XPC: variants seen among roughly 807,000 people sequenced by gnomAD.
The protein encoded by XPC is DNA repair protein complementing XP-C cells.
In XPC, 76 loss-of-function variants were observed where a neutral mutation model predicts 95.8. That is an observed-to-expected ratio of 0.79 (90% CI 0.66 to 0.96). XPC has a LOEUF of 0.96. XPC is among the 40% of genes least tolerant of loss of function. XPC has a pLI of 0.00. For synonymous variants in XPC, 442 were observed against 442.1 expected (o/e 1.00, Z 0.00); for missense variants, 1,146 against 1,179.8 (o/e 0.97, Z 0.42).
In XPC at chr3:14,178,562, G is replaced by C. The variant is rs774690269; in HGVS notation, c.7C>G (p.Arg3Gly). The C allele has an allele frequency of 6.2e-7, 1 of 1,612,628 alleles. No homozygotes were observed. Among genetic ancestry groups the C allele is most frequent in the Middle Eastern group, 1.6e-4 (1 of 6,062 alleles). Reference protein sequence around the residue: MARKRAAGGEPRG... With the variant: MAGKRAAGGEPRG... ...GGCTCCCCGCCGGCCGCGCGTTTCC[G>C]AGCCATGTTGCTTGTCTGGGCAAAT... The change falls in exon 1 of 16, where the codon CGG (arginine) becomes GGG (glycine). Residue 3 changes from arginine to glycine, a missense_variant. By Grantham distance (125) the Arg-to-Gly change is moderately radical (BLOSUM62 -2). Coordinates refer to ENST00000285021, the MANE Select transcript of XPC (RefSeq NM_004628.5).
rs745660242 is a variant in XPC at position 14,148,563 on chromosome 3, C to T, written c.2419G>A (p.Val807Met). ...FDFHGGYSHP[V>M]TDGYIVCEEF... Reference sequence around the variant, plus strand: ...CTCCATCGAAGGCCCCTCACGCACACGGGATGGGAGTAGCCGCCATGGAAA... The same window carrying T: ...CTCCATCGAAGGCCCCTCACGCACATGGGATGGGAGTAGCCGCCATGGAAA... Residue 807 changes from valine (V) to methionine (M), a missense_variant and splice_region_variant, in exon 13 of 16, where the codon GTG (valine) becomes ATG (methionine). Physicochemically the swap from Val to Met is conservative, Grantham distance 21. Coordinates refer to ENST00000285021, the MANE Select transcript of XPC (RefSeq NM_004628.5). 35 of 1,613,600 alleles carry T rather than the reference C, an allele frequency of 2.2e-5. 1 individual carries two copies. Among genetic ancestry groups the T allele is most frequent in the Admixed American group, 5.0e-5 (3 of 59,974 alleles).
chr3:14,148,032 G>T, intron 13 of XPC, 31 bp from the exon 14 acceptor site: 1 of 1,530,960 alleles, frequency 6.5e-7, no homozygotes, highest in South Asian at 1.2e-5. Flanking sequence ...GTCAACCCTC[G>T]AACCTGCTGC....
At chr3:14,152,595 G>A in intron 10 of XPC, 179 bp from the exon 11 acceptor site, 1 of 545,208 alleles carries the variant, frequency 1.8e-6, no homozygotes. Flanking sequence ...AACGTGGACT[G>A]CCTGTCTTTT....
At position 14,158,386 on chromosome 3, in the gene XPC, C is replaced by T. The variant is rs150344169; in HGVS notation, c.1497G>A (p.Ala499=). 2.6e-4 allele frequency: 425 copies of T among 1,613,868 alleles called. 3 individuals carry two copies. The African/African-American group carries it at 3.9e-3, about 15-fold the overall frequency. Residue 499 remains alanine (A), a synonymous_variant, in exon 9 of 16, where the codon GCG becomes GCA. Coordinates refer to ENST00000285021, the MANE Select transcript of XPC (RefSeq NM_004628.5). The surrounding 1 kb of genome is among the most constrained non-coding windows in gnomAD (Gnocchi z 5.2). ...GSHRKDPSLP[A]ASSSSSSSKR... ...TACTGCTTGAAGAGCTTGAGGATGCCGCTGGCAAGCTTGGGTCCTTACGAT... is the reference window on the plus strand; with the variant it reads ...TACTGCTTGAAGAGCTTGAGGATGCTGCTGGCAAGCTTGGGTCCTTACGAT...
chr3:14,164,734 A>G (rs2125035460), intron 7 of XPC, 79 bp downstream of exon 7: 6 of 1,471,312 alleles, frequency 4.1e-6, no homozygotes, highest in Non-Finnish European at 5.6e-6. Context: ...ACACACCTGG[A>G]ATGGCATCTG....
intron 8 of XPC, 157 bp downstream of exon 8, chr3:14,159,584 T>G (rs917313785): frequency 2.0e-5 from 15 of 746,168 alleles, no homozygotes; most frequent in East Asian, 1.6e-4. Context: ...CCCACTCACA[T>G]GCCCAAGTCT....
In XPC at chr3:14,145,961, A is replaced by G. The variant is rs777087686; in HGVS notation, c.2803T>C (p.Phe935Leu). The G allele has an allele frequency of 1.2e-6, 2 of 1,607,084 alleles. No individual in the cohort carries two copies. The highest frequency in any genetic ancestry group is 8.5e-7 in the Non-Finnish European group (1 of 1,174,858). ...TCAGCTCACAGCTGCTCAAATGGGA[A>G]CAGGTGGGAAGCTGCTGCTTTCTTT... Reference protein sequence around the residue: ...REKKAAASHLFPFEQL With the variant: ...REKKAAASHLLPFEQL Residue 935 changes from phenylalanine (F) to leucine (L), a missense_variant, in exon 16 of 16, where the codon TTC becomes CTC. Transcript: ENST00000285021.
intron 10 of XPC, among the ~76,000 whole-genome samples, chr3:14,154,853 A>G (rs1220183598): frequency 4.3e-4 from 10 of 23,060 alleles, no homozygotes; most frequent in Non-Finnish European, 7.2e-4. Flanking sequence ...ATTTATAAAT[A>G]TTATAAATTA....
intron 10 of XPC, chr3:14,152,703 A>G (rs1695743502): frequency 3.0e-6 from 1 of 335,406 alleles, no homozygotes; most frequent in Middle Eastern, 8.0e-4. Context: ...TGCTGTCCAG[A>G]GCCTGTGAGA....
chr3:14,170,510 T>G lies in XPC; in HGVS notation c.340A>C (p.Arg114=). 6.2e-7 allele frequency: 1 copy of G among 1,613,720 alleles called. No homozygotes were observed. Among genetic ancestry groups the G allele is most frequent in the Non-Finnish European group, 8.5e-7 (1 of 1,179,704 alleles). The change falls in exon 3 of 16, where the codon AGA becomes CGA. Residue 114 remains arginine (R), a synonymous_variant. Coordinates refer to ENST00000285021, the MANE Select transcript of XPC (RefSeq NM_004628.5). ...SDLKKAHHLK[R]GATMNEDSNE... is the part of the protein sequence containing the mutation. ...CTGTCTTCATTCATGGTAGCCCCTC[T>G]CTTCAGATGGTGTGCCTTCTTGAGG...
rs1696111774 is a variant in XPC, at chr3:14,160,172, T to C, written c.901-342A>G. On this transcript the variant is annotated intron_variant, in intron 7 of 15. Transcript: ENST00000285021. ...ATCCATATACTGGGTTATGGGTGTT[T>C]ACATGCTTTTTTTCTCTGCTTACCT... Among the ~76,000 whole-genome samples the C allele has an allele frequency of 3.9e-5, 6 of 152,340 alleles. 1 individual carries two copies. The South Asian group carries it at 8.3e-4, about 21-fold the overall frequency.
At chr3:14,166,821 G>GC (rs1696399224) in intron 5 of XPC, among the ~76,000 whole-genome samples, 1 of 152,222 alleles carries the variant, frequency 6.6e-6, no homozygotes, top group African/African-American at 2.4e-5. Flanking sequence ...CTAGGTGTGT[G>GC]CAAGTGTTCA....
Position 14,148,572 on chromosome 3 carries a change from A to G in XPC, c.2410T>C (p.Ser804Pro). Residue 804 changes from serine (S) to proline (P), a missense_variant, in exon 13 of 16, where the codon TCC becomes CCC. Coordinates refer to ENST00000285021, the MANE Select transcript of XPC (RefSeq NM_004628.5). ...ITGFDFHGGY[S>P]HPVTDGYIVC... ...AGGCCCCTCACGCACACGGGATGGG[A>G]GTAGCCGCCATGGAAATCAAAGCCA... is the stretch of plus-strand genomic sequence containing the variant. The G allele has an allele frequency of 1.9e-6, 3 of 1,613,788 alleles. No homozygotes were observed. The highest frequency in any genetic ancestry group is 2.5e-6 in the Non-Finnish European group (3 of 1,179,802).
At chr3:14,156,951 C>T (rs1184688951) in intron 9 of XPC, among the ~76,000 whole-genome samples, 2 of 152,226 alleles carry the variant, frequency 1.3e-5, no homozygotes, top group Non-Finnish European at 2.9e-5. Context: ...ACAGTGTTCT[C>T]TCTGCCCTTC....
chr3:14,169,119 A>G (rs897286095), intron 3 of XPC, among the ~76,000 whole-genome samples: 1 of 152,252 alleles, frequency 6.6e-6, no homozygotes, highest in Non-Finnish European at 1.5e-5. Context: ...CTACAGCAAG[A>G]AAAGTATAAG....
At chr3:14,174,781 G>T (rs1448147024) in intron 1 of XPC, among the ~76,000 whole-genome samples, 10 of 150,998 alleles carry the variant, frequency 6.6e-5, no homozygotes, top group Non-Finnish European at 1.0e-4. Context: ...ATAAAAAACA[G>T]ACTAGAAGGA....
At position 14,152,273 on chromosome 3, in the gene XPC, T is replaced by A; in HGVS notation, c.2115+62A>T. 2.0e-6 allele frequency: 3 copies of A among 1,468,412 alleles called. No individual in the cohort carries two copies. The South Asian group carries it at 3.7e-5, about 18-fold the overall frequency. 91.0% of individuals were successfully genotyped at this position (1,468,412 alleles called of 1,614,324 possible). ...TCATCATCACTTCTCTGCCCCCAGC[T>A]CTCCCGCTCAGCTACAGGCCTGTGT... On this transcript the variant is annotated intron_variant, in intron 11 of 15. Transcript: ENST00000285021.
chr3:14,165,474 G>A lies in XPC; in HGVS notation c.733C>T (p.Leu245=). ...SIIPARFTRV[L]PRDVDTYYLS... ...TAGTAGGTGTCCACATCTCGAGGCA[G>A]CACTCTGGTAAAGCGGGCTGGGATG... The change falls in exon 6 of 16, where the codon CTG becomes TTG. Residue 245 remains leucine (L), a synonymous_variant. Transcript: ENST00000285021. 1 of 1,604,764 alleles carries A rather than the reference G, an allele frequency of 6.2e-7. No individual in the cohort carries two copies.
intron 7 of XPC, among the ~76,000 whole-genome samples, chr3:14,164,111 C>G (rs1426116680): frequency 6.6e-6 from 1 of 152,144 alleles, no homozygotes; most frequent in Non-Finnish European, 1.5e-5. Flanking sequence ...ATCAGCCTTG[C>G]CAAATATCTT....
Sources: gnomAD v4.1 joint callset for allele counts (sites outside exome capture counted in the v4.1 genomes callset) on GRCh38, gnomAD v4.1.1 for gene constraint, Gnocchi (gnomAD v3.1) non-coding constraint, MANE v1.5 for transcripts, NCBI Gene and HGNC (gene_info 2026-07-23, HGNC 2026-07-21) for gene names.